Variants in RRM2 observed in about 807,000 individuals in gnomAD.
RRM2 encodes the protein ribonucleotide reductase regulatory subunit M2.
Under a neutral mutation model 45.9 loss-of-function variants are expected in RRM2, and 6 were observed. The ratio of observed to expected loss-of-function variants is 0.13; its 90% CI spans 0.07 to 0.26. The LOEUF (loss-of-function observed/expected upper bound fraction) is 0.26. RRM2 is among the 10% of genes least tolerant of loss of function. The probability of loss-of-function intolerance (pLI) is 1.00; values close to 1 mark genes in which losing one functional copy is unlikely to be tolerated. For synonymous variants in RRM2, 177 were observed against 173.0 expected, an observed-to-expected ratio of 1.02 and a Z score of -0.18; for missense variants, 343 against 489.5, an observed-to-expected ratio of 0.70 and a Z score of 2.82.
chr2:10,179,353 C>T (rs1330541413), intron 3 of RRM2, among the ~76,000 whole-genome samples: 1 of 152,008 alleles, frequency 6.6e-6, no homozygotes, highest in African/African-American at 2.4e-5. Context: ...GGTTTCACCA[C>T]GTTGGCCAGG....
downstream of RRM2, among the ~76,000 whole-genome samples, chr2:10,132,230 T>C (rs548240039): frequency 6.6e-6 from 1 of 152,378 alleles, no homozygotes; most frequent in East Asian, 1.9e-4. Context: ...TGACGTTTTC[T>C]ACCTGCATTT....
upstream of RRM2, chr2:10,122,718 T>C (rs72542786): frequency 2.1e-3 from 3,205 of 1,551,310 alleles, 4 homozygotes; most frequent in Non-Finnish European, 2.5e-3. Context: ...ATTTAAAGGC[T>C]GCTGGAGTGA....
chr2:10,172,680 G>A lies in RRM2; in HGVS notation n.482+30305G>A, dbSNP rs1183307216. 6.6e-6 allele frequency among the ~76,000 whole-genome samples: 1 copy of A among 152,204 alleles called. No individual in the cohort carries two copies. Among genetic ancestry groups the A allele is most frequent in the Non-Finnish European group, 1.5e-5 (1 of 68,044 alleles). On this transcript the variant is annotated intron_variant and non_coding_transcript_variant, in intron 3 of 3. Transcript: ENST00000381786. The surrounding 1 kb of genome is among the most constrained non-coding windows in gnomAD (Gnocchi z 4.9). ...CCTCTTCCTTCTGTCTGTCGGTGCA[G>A]CCTCTGAATAGAATCCTGGCGAAGG...
chr2:10,124,575 C>T, intron 4 of RRM2, 142 bp from the exon 5 acceptor site: 5 of 896,676 alleles, frequency 5.6e-6, no homozygotes, highest in Non-Finnish European at 8.4e-6. Context: ...CATAAAATAT[C>T]AAAGAATTGT....
At position 10,169,335 on chromosome 2, in the gene RRM2, G is replaced by A. The variant is rs1273078288; in HGVS notation, n.482+26960G>A. ...CCCCTTCAGGTGTAGTTTTAGACGTGCAACATGAGGGGAAATCTTAGGTTA... is the reference window on the plus strand; with the variant it reads ...CCCCTTCAGGTGTAGTTTTAGACGTACAACATGAGGGGAAATCTTAGGTTA... On this transcript the variant is annotated intron_variant and non_coding_transcript_variant, in intron 3 of 3. Transcript: ENST00000381786. This position sits in a 1 kb window ranked among gnomAD's most constrained non-coding sequence, Gnocchi z 5.1. Among the ~76,000 whole-genome samples, 1 of 152,056 alleles carries A rather than the reference G, an allele frequency of 6.6e-6. No individual in the cohort carries two copies. The highest frequency in any genetic ancestry group is 1.5e-5 in the Non-Finnish European group (1 of 68,004).
chr2:10,194,549 C>G (rs1175388990), intron 3 of RRM2, among the ~76,000 whole-genome samples: 1 of 152,234 alleles, frequency 6.6e-6, no homozygotes, highest in Non-Finnish European at 1.5e-5. Context: ...GTGCACTTCT[C>G]CGTCCTGCTT....
At position 10,204,225 on chromosome 2, in the gene RRM2, C is replaced by G. The variant is rs1438530219; in HGVS notation, n.483-6086C>G. 6.6e-6 allele frequency among the ~76,000 whole-genome samples: 1 copy of G among 152,124 alleles called. No individual in the cohort carries two copies. The highest frequency in any genetic ancestry group is 1.5e-5 in the Non-Finnish European group (1 of 68,042). On this transcript the variant is annotated intron_variant and non_coding_transcript_variant, in intron 3 of 3. Coordinates refer to the RRM2 transcript ENST00000381786. The surrounding 1 kb of genome is among the most constrained non-coding windows in gnomAD (Gnocchi z 4.0). Reference sequence around the variant, plus strand: ...TTCGTCCAACAGCAGAGCCCAACCTCCAGGGCAGACTGACCCGTGATGGGC... The same window carrying G: ...TTCGTCCAACAGCAGAGCCCAACCTGCAGGGCAGACTGACCCGTGATGGGC...
intron 3 of RRM2, among the ~76,000 whole-genome samples, chr2:10,146,602 C>A (rs1262549632): frequency 6.6e-6 from 1 of 152,212 alleles, no homozygotes; most frequent in Admixed American, 6.5e-5. Context: ...TGTCCCTCCC[C>A]CCAGCGCATG....
chr2:10,168,832 C>T (rs1245602751), intron 3 of RRM2, among the ~76,000 whole-genome samples: 1 of 152,160 alleles, frequency 6.6e-6, no homozygotes, highest in Non-Finnish European at 1.5e-5. Context: ...TCCTCAGTAC[C>T]CAACCTGTGC....
chr2:10,156,797 C>T (rs895334379), intron 3 of RRM2, among the ~76,000 whole-genome samples: 5 of 152,184 alleles, frequency 3.3e-5, no homozygotes, highest in African/African-American at 1.2e-4. Context: ...CGCCACCACA[C>T]CCGGCTACTT....
chr2:10,176,488 G>A (rs746938735), intron 3 of RRM2, among the ~76,000 whole-genome samples: 4 of 151,920 alleles, frequency 2.6e-5, no homozygotes, highest in Non-Finnish European at 4.4e-5. Context: ...GGCTGGTCTC[G>A]AACTCCCAAC....
At chr2:10,196,459 G>A (rs1664415835) in intron 3 of RRM2, among the ~76,000 whole-genome samples, 2 of 152,292 alleles carry the variant, frequency 1.3e-5, no homozygotes, top group Admixed American at 6.5e-5. Flanking sequence ...ACCAGCAGCC[G>A]GCACTGCCTG....
intron 3 of RRM2, among the ~76,000 whole-genome samples, chr2:10,174,792 A>G (rs1424269414): frequency 1.3e-5 from 2 of 152,054 alleles, no homozygotes; most frequent in Non-Finnish European, 2.9e-5. Flanking sequence ...ACCTGAGCCC[A>G]GGAGCTAGAG....
intron 3 of RRM2, among the ~76,000 whole-genome samples, chr2:10,207,402 T>C (rs1383488739): frequency 6.6e-6 from 1 of 152,164 alleles, no homozygotes; most frequent in Non-Finnish European, 1.5e-5. Context: ...TCTCTTTGAA[T>C]GGCAATCTGA....
chr2:10,193,942 G>T (rs1230713893), intron 3 of RRM2, among the ~76,000 whole-genome samples: 1 of 152,226 alleles, frequency 6.6e-6, no homozygotes, highest in African/African-American at 2.4e-5. Context: ...CTGCTCCTGG[G>T]CTGGAGCGTG....
intron 3 of RRM2, among the ~76,000 whole-genome samples, chr2:10,166,266 C>T (rs887844844): frequency 4.6e-5 from 7 of 152,226 alleles, no homozygotes; most frequent in South Asian, 2.1e-4. Flanking sequence ...GAGCTGAGTG[C>T]GGGAGAGTGA....
intron 3 of RRM2, among the ~76,000 whole-genome samples, chr2:10,177,128 C>T (rs1663931429): frequency 6.6e-6 from 1 of 152,088 alleles, no homozygotes; most frequent in Admixed American, 6.6e-5. Context: ...CATCTGTAAT[C>T]CCAGCTACTC....
At chr2:10,141,555 G>T in exon 1 of RRM2, 1 of 414,364 alleles carries the variant, frequency 2.4e-6, no homozygotes, top group Non-Finnish European at 4.5e-6. Context: ...TATTAACTGT[G>T]GTTGTGCTGG....
upstream of RRM2, among the ~76,000 whole-genome samples, chr2:10,139,930 C>A (rs772700097): frequency 2.0e-4 from 31 of 152,102 alleles, no homozygotes; most frequent in Non-Finnish European, 2.8e-4. Flanking sequence ...TTTATACATA[C>A]CAGGAGCTAG....
Sources: gnomAD v4.1 joint callset for allele counts (sites outside exome capture counted in the v4.1 genomes callset) on GRCh38, gnomAD v4.1.1 for gene constraint, Gnocchi (gnomAD v3.1) non-coding constraint, MANE v1.5 for transcripts, NCBI Gene and HGNC (gene_info 2026-07-23, HGNC 2026-07-21) for gene names.